Variants in GABRB3 observed in about 807,000 individuals in gnomAD.
GABRB3 encodes gamma-aminobutyric acid receptor subunit beta-3.
GABRB3 carries 14 observed loss-of-function variants against 52.1 expected under a neutral mutation model. The observed-to-expected ratio is 0.27, with a 90% CI of 0.18 to 0.42. The LOEUF (loss-of-function observed/expected upper bound fraction) is 0.42, where lower values mean the gene tolerates loss of function less well. GABRB3 is among the 10% of genes least tolerant of loss of function. The probability of loss-of-function intolerance (pLI) is 1.00; values close to 1 mark genes in which losing one functional copy is unlikely to be tolerated. For synonymous variants in GABRB3, 260 were observed against 232.3 expected, an observed-to-expected ratio of 1.12 and a Z score of -1.08; for missense variants, 307 against 609.1, an observed-to-expected ratio of 0.50 and a Z score of 5.22.
chr15:26,573,768 C>T (rs200612355), intron 6 of GABRB3, among the ~76,000 whole-genome samples: 10 of 152,216 alleles, frequency 6.6e-5, no homozygotes, highest in Admixed American at 3.3e-4. Flanking sequence ...ATAAAGAATG[C>T]GGCTGGTTGG....
intron 7 of GABRB3, among the ~76,000 whole-genome samples, chr15:26,561,490 T>C (rs959447353): frequency 2.0e-5 from 3 of 147,550 alleles, no homozygotes; most frequent in African/African-American, 7.6e-5. Context: ...AAGAGATATG[T>C]AGAGCAGGAA....
chr15:26,696,310 A>G (rs569801126), intron 3 of GABRB3, among the ~76,000 whole-genome samples: 2 of 152,152 alleles, frequency 1.3e-5, no homozygotes, highest in South Asian at 4.2e-4. Flanking sequence ...AGCATTTTGT[A>G]TATACATTTT....
chr15:26,743,164 G>A (rs1268893542), intron 3 of GABRB3, among the ~76,000 whole-genome samples: 5 of 152,040 alleles, frequency 3.3e-5, no homozygotes, highest in African/African-American at 9.7e-5. Context: ...TCCTGACCTC[G>A]TGATCCACCT....
chr15:26,762,968 G>C (rs1018238008), intron 3 of GABRB3, among the ~76,000 whole-genome samples: 3 of 152,234 alleles, frequency 2.0e-5, no homozygotes, highest in Admixed American at 2.0e-4. Flanking sequence ...ATACCAATGA[G>C]TTAACTGCAG....
chr15:26,659,735 T>TTA (rs1887480833), intron 3 of GABRB3, among the ~76,000 whole-genome samples: 1 of 152,128 alleles, frequency 6.6e-6, no homozygotes. Flanking sequence ...AAGGAGTAGT[T>TTA]TATTAGCATA....
intron 4 of GABRB3, among the ~76,000 whole-genome samples, chr15:26,619,578 T>G: frequency 6.7e-6 from 1 of 149,270 alleles, no homozygotes; most frequent in African/African-American, 2.5e-5. Flanking sequence ...AGATGACGAG[T>G]TAGTGGGTGC....
intron 4 of GABRB3, among the ~76,000 whole-genome samples, chr15:26,610,684 T>A (rs1389219574): frequency 6.6e-6 from 1 of 152,170 alleles, no homozygotes; most frequent in Non-Finnish European, 1.5e-5. Flanking sequence ...GGAGCCTAAC[T>A]GGAAACTGCT....
At chr15:26,656,228 A>G (rs902671284) in intron 3 of GABRB3, among the ~76,000 whole-genome samples, 2 of 152,196 alleles carry the variant, frequency 1.3e-5, no homozygotes, top group Non-Finnish European at 2.9e-5. Context: ...CTTGTAAAAA[A>G]GGGAGCCAGT....
At chr15:26,615,090 C>T (rs1160056238) in intron 4 of GABRB3, 1 of 156,850 alleles carries the variant, frequency 6.4e-6, no homozygotes, top group African/African-American at 2.4e-5. Context: ...CAAGGTGAGA[C>T]ATTCAATGAC....
intron 3 of GABRB3, among the ~76,000 whole-genome samples, chr15:26,640,437 A>T (rs543452523): frequency 6.6e-6 from 1 of 152,272 alleles, no homozygotes; most frequent in African/African-American, 2.4e-5. Context: ...GAATGGCATG[A>T]ACCCGGGAGG....
intron 3 of GABRB3, among the ~76,000 whole-genome samples, chr15:26,641,475 T>A (rs1298710544): frequency 6.6e-6 from 1 of 152,190 alleles, no homozygotes; most frequent in East Asian, 1.9e-4. Flanking sequence ...AAACTGACAC[T>A]AAAGGAGAAG....
At chr15:26,553,220 G>C (rs1403149925) in intron 8 of GABRB3, among the ~76,000 whole-genome samples, 1 of 152,030 alleles carries the variant, frequency 6.6e-6, no homozygotes, top group Non-Finnish European at 1.5e-5. Flanking sequence ...GCGCGATCTC[G>C]GCTCACTGCA....
At position 26,633,232 on chromosome 15, in the gene GABRB3, T is replaced by C. The variant is rs112647998; in HGVS notation, c.241-11698A>G. Among the ~76,000 whole-genome samples the C allele has an allele frequency of 8.2e-4, 125 of 152,350 alleles. 2 individuals carry two copies. The highest frequency in any genetic ancestry group is 2.8e-3 in the African/African-American group (117 of 41,578). On this transcript the variant is annotated intron_variant, in intron 3 of 8. Coordinates refer to ENST00000311550, the MANE Select transcript of GABRB3 (RefSeq NM_000814.6). The stretch of plus-strand genomic sequence containing the variant: ...TTTTTTCATAAAACATTTTTTCTGC[T>C]GTGAATTACTTTGAAATTATAAATT...
chr15:26,626,187 T>C (rs1892685484), intron 3 of GABRB3, among the ~76,000 whole-genome samples: 1 of 152,186 alleles, frequency 6.6e-6, no homozygotes, highest in African/African-American at 2.4e-5. Context: ...ACTATTATTA[T>C]CACTCTGGGG....
rs192493359 is a variant in GABRB3, at chr15:26,717,917, T to C, written c.240+54485A>G. 3.3e-3 allele frequency among the ~76,000 whole-genome samples: 500 copies of C among 152,360 alleles called. 2 individuals are homozygous for C. The highest frequency in any genetic ancestry group is 0.012 in the African/African-American group (484 of 41,578). Reference sequence around the variant, plus strand: ...GATCCTTGTAAATGATATTATCCTCTGTTAATCATTTTAAAGGAAGAAGAG... The same window carrying C: ...GATCCTTGTAAATGATATTATCCTCCGTTAATCATTTTAAAGGAAGAAGAG... On this transcript the variant is annotated intron_variant, in intron 3 of 8. Transcript: ENST00000311550.
At chr15:26,703,246 A>G (rs1225761678) in intron 3 of GABRB3, among the ~76,000 whole-genome samples, 1 of 152,186 alleles carries the variant, frequency 6.6e-6, no homozygotes, top group Non-Finnish European at 1.5e-5. Context: ...AGATTCAGGC[A>G]CCGGCACCTG....
At chr15:26,583,613 G>GAA (rs927949358) in intron 4 of GABRB3, among the ~76,000 whole-genome samples, 199 bp from the exon 5 acceptor site, 1 of 140,970 alleles carries the variant, frequency 7.1e-6, no homozygotes, top group Non-Finnish European at 1.6e-5. Flanking sequence ...ATTTATCAAG[G>GAA]AAAAAAAAAA....
At chr15:26,721,714 G>A (rs1343569883) in intron 3 of GABRB3, among the ~76,000 whole-genome samples, 1 of 151,692 alleles carries the variant, frequency 6.6e-6, no homozygotes, top group East Asian at 2.0e-4. Context: ...GAAAGAGCCT[G>A]CACCACAAAA....
At chr15:26,616,914 A>T in intron 4 of GABRB3, among the ~76,000 whole-genome samples, 1 of 152,102 alleles carries the variant, frequency 6.6e-6, no homozygotes, top group South Asian at 2.1e-4. Flanking sequence ...CTTTGCTTTT[A>T]ACAAAGACAT....
Sources: allele counts gnomAD v4.1 joint callset (sites outside exome capture counted in the v4.1 genomes callset), GRCh38; gene constraint gnomAD v4.1.1; transcripts MANE v1.5; gene names NCBI Gene and HGNC (gene_info 2026-07-23, HGNC 2026-07-21).